ARNT2: variants seen among roughly 807,000 people sequenced by gnomAD.
ARNT2 encodes ARNT protein 2.
ARNT2 carries 36 observed loss-of-function variants against 91.7 expected under a neutral mutation model. The observed-to-expected ratio is 0.39, with a 90% CI of 0.30 to 0.52. ARNT2 has a LOEUF of 0.52. Among genes scored for constraint, ARNT2 ranks in the 20% least tolerant of loss-of-function variants. The probability of loss-of-function intolerance (pLI) is 0.72; values close to 1 mark genes in which losing one functional copy is unlikely to be tolerated. For missense variants in ARNT2, 775 were observed against 939.3 expected (o/e 0.83, Z 2.29); for synonymous variants, 365 against 347.1 (o/e 1.05, Z -0.57).
At chr15:80,574,276 G>A (rs1898631094) in intron 13 of ARNT2, 56 bp downstream of exon 13, 1 of 1,539,576 alleles carries the variant, frequency 6.5e-7, no homozygotes, top group Non-Finnish European at 9.0e-7. Flanking sequence ...CAATGGACTT[G>A]GGACTCAATT....
At chr15:80,547,549 T>C (rs1898010142) in intron 8 of ARNT2, among the ~76,000 whole-genome samples, 1 of 152,212 alleles carries the variant, frequency 6.6e-6, no homozygotes, top group Non-Finnish European at 1.5e-5. Flanking sequence ...AACATAGTTT[T>C]TGCTTGAAAG....
At chr15:80,504,597 G>A (rs1298411321) in intron 5 of ARNT2, among the ~76,000 whole-genome samples, 5 of 151,968 alleles carry the variant, frequency 3.3e-5, no homozygotes, top group Non-Finnish European at 7.4e-5. Context: ...GTGAGTCCTT[G>A]TCTCTACAAA....
chr15:80,469,900 C>T (rs1896709298), intron 3 of ARNT2, among the ~76,000 whole-genome samples: 3 of 152,194 alleles, frequency 2.0e-5, no homozygotes, highest in Non-Finnish European at 4.4e-5. Context: ...CAGATGTGAG[C>T]CACCGTGCCC....
At chr15:80,546,448 T>C (rs540901079) in intron 8 of ARNT2, among the ~76,000 whole-genome samples, 3 of 152,300 alleles carry the variant, frequency 2.0e-5, no homozygotes, top group Admixed American at 1.3e-4. Flanking sequence ...CAAGGTTCCT[T>C]AGCATGGAAG....
rs1161082967 is a variant in ARNT2, at chr15:80,595,421, TGA to T, written c.*1727_*1728del. ...AAGAGTGGCATTGGTTCTAGGAACC[TGA>T]GAGTGGAGTGAGGCCAGCATGCAGG... On this transcript the variant is annotated 3_prime_UTR_variant, in exon 19 of 19. Coordinates refer to ENST00000303329, the MANE Select transcript of ARNT2 (RefSeq NM_014862.4). 6.6e-6 allele frequency: 1 copy of T among 152,284 alleles called. No homozygotes were observed. Among genetic ancestry groups the T allele is most frequent in the Non-Finnish European group, 1.5e-5 (1 of 68,094 alleles). The allele number at this position is 152,284 out of a possible 1,614,324, so 9.4% of individuals were successfully genotyped here. A position where few individuals can be genotyped will look rare whatever the true frequency, so the allele number is the denominator to read the frequency against.
At chr15:80,581,003 G>A (rs571582648) in intron 16 of ARNT2, 25 of 568,344 alleles carry the variant, frequency 4.4e-5, no homozygotes, top group South Asian at 3.9e-4. Context: ...CAGAGGGCCC[G>A]GATCCTCGTA....
intron 10 of ARNT2, 150 bp from the exon 11 acceptor site, chr15:80,554,915 T>G: frequency 1.4e-6 from 1 of 700,778 alleles, no homozygotes; most frequent in Non-Finnish European, 2.4e-6. Context: ...CCCAGGGAAA[T>G]TTTGCACTCA....
intron 8 of ARNT2, among the ~76,000 whole-genome samples, chr15:80,515,179 TA>T (rs1402741512): frequency 1.3e-5 from 2 of 152,218 alleles, no homozygotes; most frequent in Non-Finnish European, 2.9e-5. Context: ...TAAAATAGCA[TA>T]GCCACTTGGG....
chr15:80,490,761 T>C (rs943156385), intron 5 of ARNT2, among the ~76,000 whole-genome samples: 2 of 152,238 alleles, frequency 1.3e-5, no homozygotes, highest in African/African-American at 4.8e-5. Context: ...AGTCAACAGA[T>C]AGTTATCAGC....
intron 1 of ARNT2, among the ~76,000 whole-genome samples, chr15:80,450,468 C>T (rs933173702): frequency 1.3e-5 from 2 of 152,154 alleles, no homozygotes; most frequent in African/African-American, 2.4e-5. Context: ...TGCAGCAGGG[C>T]GTTGCCTCTC....
chr15:80,556,978 C>T (rs1321766196), intron 11 of ARNT2: 1 of 152,132 alleles, frequency 6.6e-6, no homozygotes, highest in East Asian at 1.9e-4. Context: ...AGTAAAGAGG[C>T]CCTTGAGTTA....
rs3935130 is a variant in ARNT2 at position 80,591,830 on chromosome 15, C to A, written c.2055+126C>A. 423,050 of 1,451,138 alleles carry A rather than the reference C, an allele frequency of 0.29. 69,310 individuals carry two copies. Among genetic ancestry groups the A allele is most frequent in the African/African-American group, 0.69 (49,308 of 71,236 alleles). The allele number at this position is 1,451,138 out of a possible 1,614,324, so 89.9% of individuals were successfully genotyped here. ...CGTGAGTTCTGGCCCAGCCTGGGCT[C>A]GAGGGAGTCCAGGAGTAGAAAGCCC... is the stretch of plus-strand genomic sequence containing the variant. On this transcript the variant is annotated intron_variant, in intron 18 of 18. Coordinates refer to ENST00000303329, the MANE Select transcript of ARNT2 (RefSeq NM_014862.4). This position sits in a 1 kb window ranked among gnomAD's most constrained non-coding sequence, Gnocchi z 5.1.
chr15:80,550,698 C>T (rs1170140126), intron 8 of ARNT2, among the ~76,000 whole-genome samples: 2 of 152,196 alleles, frequency 1.3e-5, no homozygotes, highest in African/African-American at 2.4e-5. Context: ...CCTTTCTAGC[C>T]CTTAAACAAC....
chr15:80,581,875 T>C (rs1359547583), intron 17 of ARNT2, among the ~76,000 whole-genome samples: 1 of 152,266 alleles, frequency 6.6e-6, no homozygotes, highest in African/African-American at 2.4e-5. Flanking sequence ...AAGGAACCGC[T>C]GTGTCCTGTG....
At chr15:80,447,562 G>A (rs16972139) in intron 1 of ARNT2, among the ~76,000 whole-genome samples, 6,305 of 152,278 alleles carry the variant, frequency 0.041, 165 homozygotes, top group South Asian at 0.093. Flanking sequence ...AACCTGAACA[G>A]GGACCTTCCT....
At chr15:80,523,744 C>T (rs554452229) in intron 8 of ARNT2, among the ~76,000 whole-genome samples, 14 of 152,248 alleles carry the variant, frequency 9.2e-5, no homozygotes, top group Middle Eastern at 6.8e-3. Context: ...GCCCAAGGTG[C>T]GGACAGGTGA....
intron 5 of ARNT2, among the ~76,000 whole-genome samples, chr15:80,495,282 C>T (rs1246528317): frequency 6.6e-6 from 1 of 152,178 alleles, no homozygotes; most frequent in Non-Finnish European, 1.5e-5. Flanking sequence ...GCTCAGTGAA[C>T]ATTATTGTTG....
rs1449999199 is a variant in ARNT2 at position 80,581,311 on chromosome 15, G to A, written c.1825G>A (p.Asp609Asn). 3 of 1,614,068 alleles carry A rather than the reference G, an allele frequency of 1.9e-6. No individual in the cohort carries two copies. The African/African-American group carries it at 4.0e-5, about 22-fold the overall frequency. Residue 609 changes from aspartate (D) to asparagine (N), a missense_variant, in exon 17 of 19, where the codon GAC becomes AAC. Coordinates refer to ENST00000303329, the MANE Select transcript of ARNT2 (RefSeq NM_014862.4). ...TGGAACGAGCCACACCTACCCGGCA[G>A]ACCCCTCTTCCTACAGCCCCCTCTC... ...GIGTSHTYPA[D>N]PSSYSPLSSP...
chr15:80,508,114 C>G, intron 5 of ARNT2, 42 bp from the exon 6 acceptor site: 1 of 1,599,230 alleles, frequency 6.3e-7, no homozygotes, highest in Non-Finnish European at 8.6e-7. Context: ...ATCTCCCAAC[C>G]GAAGGCAGAG....
Sources: gnomAD v4.1 joint callset for allele counts (sites outside exome capture counted in the v4.1 genomes callset) on GRCh38, gnomAD v4.1.1 for gene constraint, Gnocchi (gnomAD v3.1) non-coding constraint, MANE v1.5 for transcripts, NCBI Gene and HGNC (gene_info 2026-07-23, HGNC 2026-07-21) for gene names.